Variants in CATSPERB observed in about 807,000 individuals in gnomAD.
The protein encoded by CATSPERB is catsper channel auxiliary subunit beta.
CATSPERB carries 93 observed loss-of-function variants against 128.3 expected under a neutral mutation model. The ratio of observed to expected loss-of-function variants is 0.72; its 90% CI spans 0.61 to 0.86. The LOEUF is 0.86. Ranked by LOEUF, CATSPERB falls within the 40% of genes least tolerant of loss-of-function variation. The pLI is 0.00. For missense variants in CATSPERB, 1,153 were observed against 1,329.5 expected (o/e 0.87, Z 2.06); for synonymous variants, 381 against 448.8 (o/e 0.85, Z 1.91).
intron 14 of CATSPERB, among the ~76,000 whole-genome samples, chr14:91,669,542 G>T (rs1317005027): frequency 1.3e-5 from 2 of 152,190 alleles, no homozygotes; most frequent in African/African-American, 4.8e-5. Flanking sequence ...AAGTAATTCA[G>T]AGCTGGAAAG....
At chr14:91,690,928 G>T (rs1453954866) in intron 10 of CATSPERB, among the ~76,000 whole-genome samples, 5 of 152,164 alleles carry the variant, frequency 3.3e-5, no homozygotes, top group Non-Finnish European at 7.4e-5. Flanking sequence ...TTCATTTGTG[G>T]TTTTCCAACC....
intron 7 of CATSPERB, among the ~76,000 whole-genome samples, chr14:91,698,937 T>C (rs997750586): frequency 6.6e-6 from 1 of 152,204 alleles, no homozygotes; most frequent in Non-Finnish European, 1.5e-5. Flanking sequence ...CTCCCACTTA[T>C]AAGTGAGAAC....
At chr14:91,604,766 C>T in intron 22 of CATSPERB, 1 of 1,613,722 alleles carries the variant, frequency 6.2e-7, no homozygotes, top group Non-Finnish European at 8.5e-7. Context: ...GTTCACCAGG[C>T]ATCCCCAGTG....
At chr14:91,709,524 C>CAAAAAAAAAAAAAAAAA (rs71120188) in intron 5 of CATSPERB, 1 of 74,638 alleles carries the variant, frequency 1.3e-5, no homozygotes, top group African/African-American at 5.2e-5. Flanking sequence ...ACTAAAAATA[C>CAAAAAAAAAAAAAAAAA]AAAAAAAAAA....
At chr14:91,700,341 A>G (rs988077503) in intron 7 of CATSPERB, among the ~76,000 whole-genome samples, 1 of 152,144 alleles carries the variant, frequency 6.6e-6, no homozygotes, top group Non-Finnish European at 1.5e-5. Flanking sequence ...TTCTGTCTAC[A>G]TTCATCAAAA....
intron 15 of CATSPERB, among the ~76,000 whole-genome samples, chr14:91,653,734 T>C (rs1192234822): frequency 2.2e-4 from 33 of 151,984 alleles, no homozygotes; most frequent in Non-Finnish European, 1.5e-5. Context: ...CTCCCACATG[T>C]GGGAATTCTG....
chr14:91,654,893 C>A lies in CATSPERB; in HGVS notation c.1432+4944G>T, dbSNP rs537975243. Among the ~76,000 whole-genome samples the A allele has an allele frequency of 7.2e-5, 11 of 152,292 alleles. No homozygotes were observed. In the South Asian group the frequency reaches 2.3e-3, roughly 32 times the overall value. On this transcript the variant is annotated intron_variant, in intron 15 of 26. Transcript: ENST00000256343. The stretch of plus-strand genomic sequence containing the variant: ...GCATCACCCCTCCCCTAGCTCCAGG[C>A]AGCTTAGCACAGAGAAAGAGACACT...
chr14:91,625,913 C>T (rs2402046), intron 17 of CATSPERB, among the ~76,000 whole-genome samples: 112,803 of 152,120 alleles, frequency 0.74, 42,393 homozygotes, highest in East Asian at 0.97. Context: ...TTGGTTGAGC[C>T]TAGGAGTTCA....
intron 24 of CATSPERB, among the ~76,000 whole-genome samples, 175 bp from the exon 25 acceptor site, chr14:91,588,253 C>T (rs1445445687): frequency 1.3e-5 from 2 of 152,030 alleles, no homozygotes; most frequent in African/African-American, 4.8e-5. Flanking sequence ...GATTTCACTC[C>T]ATAACATGAC....
intron 15 of CATSPERB, among the ~76,000 whole-genome samples, chr14:91,648,199 A>G (rs566814181): frequency 6.6e-6 from 1 of 152,294 alleles, no homozygotes; most frequent in East Asian, 1.9e-4. Context: ...TCTTATCAAC[A>G]TATCACTTGG....
At chr14:91,637,039 C>T (rs2139803163) in intron 16 of CATSPERB, among the ~76,000 whole-genome samples, 1 of 152,316 alleles carries the variant, frequency 6.6e-6, no homozygotes, top group Middle Eastern at 3.4e-3. Flanking sequence ...ATAAGCTGTT[C>T]TCCTTTCCTG....
chr14:91,652,474 C>A (rs1472071217), intron 15 of CATSPERB, among the ~76,000 whole-genome samples: 2 of 142,318 alleles, frequency 1.4e-5, no homozygotes, highest in Non-Finnish European at 3.0e-5. Context: ...GCCTGGCCAA[C>A]AAGGTGAAAC....
intron 17 of CATSPERB, among the ~76,000 whole-genome samples, chr14:91,627,950 C>T (rs1894199002): frequency 6.6e-6 from 1 of 152,068 alleles, no homozygotes; most frequent in Admixed American, 6.6e-5. Context: ...TGCACTCCAG[C>T]CTGGGTAACA....
At position 91,609,616 on chromosome 14, in the gene CATSPERB, T is replaced by C. The variant is rs146895880; in HGVS notation, c.2598+864A>G. ...TTTGATAAATTTTAACTTTTTATAA[T>C]GGATTTGTGTATAGTTTATGATAGC... On this transcript the variant is annotated intron_variant, in intron 21 of 26. Transcript: ENST00000256343. 1.4e-4 allele frequency among the ~76,000 whole-genome samples: 21 copies of C among 152,364 alleles called. No individual in the cohort carries two copies. The East Asian group carries it at 4.0e-3, about 29-fold the overall frequency.
intron 14 of CATSPERB, among the ~76,000 whole-genome samples, chr14:91,669,145 G>A (rs1895041996): frequency 6.6e-6 from 1 of 152,180 alleles, no homozygotes; most frequent in African/African-American, 2.4e-5. Flanking sequence ...GTTTTAAGAA[G>A]ACCTAGAAAC....
chr14:91,679,148 C>A (rs1220059226), intron 11 of CATSPERB, among the ~76,000 whole-genome samples: 1 of 152,074 alleles, frequency 6.6e-6, no homozygotes, highest in Admixed American at 6.6e-5. Context: ...TCATTTCCAA[C>A]TAAAAACGGG....
At chr14:91,619,861 TTGTGTGTGTG>T (rs55687285) in intron 19 of CATSPERB, among the ~76,000 whole-genome samples, 31,436 of 138,918 alleles carry the variant, frequency 0.23, 3,945 homozygotes, top group Admixed American at 0.36. Context: ...TGTAATAAAA[TTGTGTGTGTG>T]TGTGTGTGTG....
At chr14:91,615,444 C>T (rs1374866686) in intron 20 of CATSPERB, among the ~76,000 whole-genome samples, 2 of 152,162 alleles carry the variant, frequency 1.3e-5, no homozygotes, top group East Asian at 3.8e-4. Flanking sequence ...CTGTTGTACC[C>T]CTTGACCATC....
intron 4 of CATSPERB, among the ~76,000 whole-genome samples, chr14:91,721,657 G>C (rs1301828981): frequency 6.6e-6 from 1 of 151,968 alleles, no homozygotes; most frequent in Non-Finnish European, 1.5e-5. Context: ...AGACCATCCT[G>C]GCTAACAAGG....
Sources: gnomAD v4.1 joint callset for allele counts (sites outside exome capture counted in the v4.1 genomes callset) on GRCh38, gnomAD v4.1.1 for gene constraint, MANE v1.5 for transcripts, NCBI Gene and HGNC (gene_info 2026-07-23, HGNC 2026-07-21) for gene names.